Variants in IQSEC1 observed in about 807,000 individuals in gnomAD.
IQSEC1 encodes IQ motif and Sec7 domain ArfGEF 1, also known as IQ motif and SEC7 domain-containing protein 1.
A neutral mutation model predicts 91.0 loss-of-function variants in IQSEC1; 31 were observed. The ratio of observed to expected loss-of-function variants is 0.34; its 90% CI spans 0.26 to 0.46. The LOEUF is 0.46. Among genes scored for constraint, IQSEC1 ranks in the 20% least tolerant of loss-of-function variants. IQSEC1 has a pLI of 1.00. For missense variants in IQSEC1, 1,388 were observed against 1,575.6 expected (o/e 0.88, Z 2.02); for synonymous variants, 699 against 662.6 (o/e 1.05, Z -0.84).
chr3:12,918,384 G>C (rs1696306644), intron 6 of IQSEC1, among the ~76,000 whole-genome samples: 1 of 152,220 alleles, frequency 6.6e-6, no homozygotes, highest in Non-Finnish European at 1.5e-5. Context: ...CTGCCACTGA[G>C]GTACAGACTG....
At chr3:13,024,920 T>TA (rs1375479573) in intron 1 of IQSEC1, among the ~76,000 whole-genome samples, 2 of 152,192 alleles carry the variant, frequency 1.3e-5, no homozygotes, top group African/African-American at 2.4e-5. Context: ...AAAACAGGAA[T>TA]AAAAAATCTC....
chr3:13,038,883 A>G (rs1704145894), intron 1 of IQSEC1, among the ~76,000 whole-genome samples: 1 of 152,218 alleles, frequency 6.6e-6, no homozygotes, highest in East Asian at 1.9e-4. Flanking sequence ...AAATATATAC[A>G]CTTACTATGT....
intron 1 of IQSEC1, among the ~76,000 whole-genome samples, chr3:13,040,849 C>A (rs1196994632): frequency 3.3e-5 from 5 of 152,250 alleles, no homozygotes; most frequent in South Asian, 4.1e-4. Flanking sequence ...CCCCCGCACC[C>A]AGCCCTGCTC....
intron 2 of IQSEC1, among the ~76,000 whole-genome samples, chr3:13,148,533 T>C (rs1201298767): frequency 2.6e-5 from 4 of 152,180 alleles, no homozygotes; most frequent in African/African-American, 4.8e-5. Context: ...GAAAAAAAAT[T>C]GCAGGTTTAT....
chr3:13,080,861 C>T (rs577554108), intron 2 of IQSEC1, among the ~76,000 whole-genome samples: 2 of 152,320 alleles, frequency 1.3e-5, no homozygotes, highest in South Asian at 2.1e-4. Flanking sequence ...TGAGCTAATA[C>T]AAGAACAACA....
At chr3:13,267,752 G>A (rs1440960538) in intron 1 of IQSEC1, among the ~76,000 whole-genome samples, 1 of 151,900 alleles carries the variant, frequency 6.6e-6, no homozygotes, top group African/African-American at 2.4e-5. Flanking sequence ...CAAGTAGCTG[G>A]GACTACAGGT....
chr3:13,183,557 T>G (rs1177264175), intron 1 of IQSEC1, among the ~76,000 whole-genome samples: 4 of 151,906 alleles, frequency 2.6e-5, no homozygotes, highest in African/African-American at 4.8e-5. Context: ...CATAGCAAGA[T>G]TCCATCTCAA....
At chr3:13,037,057 G>A (rs1039198379) in intron 1 of IQSEC1, among the ~76,000 whole-genome samples, 1 of 152,160 alleles carries the variant, frequency 6.6e-6, no homozygotes, top group African/African-American at 2.4e-5. Context: ...GCCTGGGGCT[G>A]CGTCAAGCTA....
chr3:13,147,195 G>A (rs1706913245), intron 2 of IQSEC1, among the ~76,000 whole-genome samples: 1 of 152,198 alleles, frequency 6.6e-6, no homozygotes. Context: ...AGCTTTTGGT[G>A]TACAAGCGGT....
chr3:13,181,931 C>T (rs969631301), intron 1 of IQSEC1, among the ~76,000 whole-genome samples: 1 of 152,226 alleles, frequency 6.6e-6, no homozygotes, highest in Admixed American at 6.5e-5. Context: ...GTGACTGCTC[C>T]TGTCTAGTTC....
chr3:12,969,900 T>A (rs1195729929), intron 1 of IQSEC1, among the ~76,000 whole-genome samples: 2 of 152,242 alleles, frequency 1.3e-5, no homozygotes, highest in African/African-American at 4.8e-5. Context: ...AGTGTGCCTC[T>A]TGCTCCTGCT....
chr3:13,176,365 C>T (rs1368862390), intron 1 of IQSEC1, among the ~76,000 whole-genome samples: 2 of 152,108 alleles, frequency 1.3e-5, no homozygotes, highest in Non-Finnish European at 2.9e-5. Flanking sequence ...CAGAAAACTG[C>T]TACTAGAGTC....
chr3:13,017,045 C>T (rs1039059589), intron 1 of IQSEC1, among the ~76,000 whole-genome samples: 23 of 152,222 alleles, frequency 1.5e-4, no homozygotes, highest in Admixed American at 1.0e-3. Flanking sequence ...TGCTGTAACA[C>T]GTGCCAGAAC....
chr3:13,041,590 TCTC>T (rs1196407234), intron 1 of IQSEC1, among the ~76,000 whole-genome samples: 1 of 152,090 alleles, frequency 6.6e-6, no homozygotes, highest in Non-Finnish European at 1.5e-5. Flanking sequence ...TCCATGATGA[TCTC>T]CTGCTGGCCC....
Position 13,207,465 on chromosome 3 carries a change from C to T in IQSEC1, c.273-43332G>A, listed in dbSNP as rs1416389876. Among the ~76,000 whole-genome samples, 2 of 152,182 alleles carry T rather than the reference C, an allele frequency of 1.3e-5. No individual in the cohort carries two copies. The highest frequency in any genetic ancestry group is 2.9e-5 in the Non-Finnish European group (2 of 68,034). Reference sequence around the variant, plus strand: ...ACCCCCTGCTGCCATTCTAACTCTCCCCATGACACAACCCGCCAGAGCACT... The same window carrying T: ...ACCCCCTGCTGCCATTCTAACTCTCTCCATGACACAACCCGCCAGAGCACT... On this transcript the variant is annotated intron_variant, in intron 1 of 15. Transcript: ENST00000648114. This position sits in a 1 kb window ranked among gnomAD's most constrained non-coding sequence, Gnocchi z 4.8.
At chr3:13,248,277 T>C (rs1370264618) in intron 1 of IQSEC1, among the ~76,000 whole-genome samples, 4 of 152,218 alleles carry the variant, frequency 2.6e-5, no homozygotes, top group Non-Finnish European at 5.9e-5. Context: ...ATCTTCCTCA[T>C]AGACAGTTCT....
chr3:12,899,860 G>C lies in IQSEC1; in HGVS notation c.*1123C>G. 1 of 985,352 alleles carries C rather than the reference G, an allele frequency of 1.0e-6. No individual in the cohort carries two copies. The highest frequency in any genetic ancestry group is 1.2e-6 in the Non-Finnish European group (1 of 829,910). The allele number at this position is 985,352 out of a possible 1,614,324, so 61.0% of individuals were successfully genotyped here. A position where few individuals can be genotyped will look rare whatever the true frequency, so the allele number is the denominator to read the frequency against. On this transcript the variant is annotated 3_prime_UTR_variant, in exon 14 of 14. Coordinates refer to ENST00000613206, the MANE Select transcript of IQSEC1 (RefSeq NM_001134382.3). ...GACGTTATGGTGTTGGGGAGACGAG[G>C]ATGAGAGCTGGTCACTTTCATGTTG...
At chr3:13,090,791 G>A (rs1048694177) in intron 2 of IQSEC1, among the ~76,000 whole-genome samples, 3 of 152,166 alleles carry the variant, frequency 2.0e-5, no homozygotes, top group East Asian at 1.9e-4. Context: ...CCTGTGACTC[G>A]TATGAGCTCC....
chr3:13,173,860 C>G (rs905690468), intron 1 of IQSEC1, among the ~76,000 whole-genome samples: 1 of 152,216 alleles, frequency 6.6e-6, no homozygotes, highest in Non-Finnish European at 1.5e-5. Flanking sequence ...TCTGGCTCTA[C>G]TCAGATCTCC....
Sources: gnomAD v4.1 joint callset for allele counts (sites outside exome capture counted in the v4.1 genomes callset) on GRCh38, gnomAD v4.1.1 for gene constraint, Gnocchi (gnomAD v3.1) non-coding constraint, MANE v1.5 for transcripts, NCBI Gene and HGNC (gene_info 2026-07-23, HGNC 2026-07-21) for gene names.